LRP1B: variants seen among roughly 807,000 people sequenced by gnomAD.
LRP1B encodes the protein low-density lipoprotein receptor-related protein 1B.
Under a neutral mutation model 556.6 loss-of-function variants are expected in LRP1B, and 217 were observed. The observed-to-expected ratio is 0.39, with a 90% CI of 0.35 to 0.44. LRP1B has a LOEUF of 0.44. LRP1B is among the 20% of genes least tolerant of loss of function. LRP1B has a pLI of 1.00. For missense variants in LRP1B, 5,053 were observed against 5,620.8 expected, an observed-to-expected ratio of 0.90 and a Z score of 3.23; for synonymous variants, 2,047 against 1,865.8, an observed-to-expected ratio of 1.10 and a Z score of -2.50.
chr2:140,703,487 A>G (rs1686719700), intron 37 of LRP1B, among the ~76,000 whole-genome samples: 2 of 152,174 alleles, frequency 1.3e-5, no homozygotes, highest in Non-Finnish European at 2.9e-5. Context: ...TTGAAGTTAC[A>G]TCTACTGAAG....
chr2:141,472,316 C>T (rs759057182), intron 3 of LRP1B, among the ~76,000 whole-genome samples: 2 of 152,094 alleles, frequency 1.3e-5, no homozygotes, highest in African/African-American at 4.8e-5. Context: ...GAGGCCAAGG[C>T]GGGTGGATCA....
rs755066533 is a variant in LRP1B at position 141,480,427 on chromosome 2, T to C, written c.312A>G (p.Pro104=). 1.2e-6 allele frequency: 2 copies of C among 1,613,994 alleles called. No homozygotes were observed. Among genetic ancestry groups the C allele is most frequent in the East Asian group, 4.5e-5 (2 of 44,840 alleles). The change falls in exon 3 of 91, where the codon CCA becomes CCG. Residue 104 remains proline (P), a synonymous_variant. Coordinates refer to ENST00000389484, the MANE Select transcript of LRP1B (RefSeq NM_018557.3). ...SQLCNGVLDC[P]DGYDEGVHCQ... is the part of the protein sequence containing the mutation. ...AATGTACTCCTTCGTCATACCCATC[T>C]GGGCAGTCCAAGACACCATTGCACA...
At chr2:141,702,256 G>A (rs1347427557) in intron 2 of LRP1B, among the ~76,000 whole-genome samples, 7 of 151,862 alleles carry the variant, frequency 4.6e-5, no homozygotes, top group Admixed American at 4.6e-4. Flanking sequence ...CAACTACAAT[G>A]CTTATAGGCA....
chr2:140,252,712 A>AAGGTC (rs1361427805), intron 86 of LRP1B, among the ~76,000 whole-genome samples: 1 of 152,048 alleles, frequency 6.6e-6, no homozygotes, highest in African/African-American at 2.4e-5. Flanking sequence ...AAGAATTATC[A>AAGGTC]CACTGCCTTG....
chr2:141,579,976 A>C (rs1437597501), intron 2 of LRP1B, among the ~76,000 whole-genome samples: 2 of 152,154 alleles, frequency 1.3e-5, no homozygotes, highest in African/African-American at 2.4e-5. Flanking sequence ...CTGGGATTAC[A>C]GGCGTGAGCC....
At chr2:140,924,880 T>C (rs1359286040) in intron 20 of LRP1B, among the ~76,000 whole-genome samples, 1 of 152,086 alleles carries the variant, frequency 6.6e-6, no homozygotes. Context: ...AAATGTGATA[T>C]AGCAATTTCC....
Position 141,049,048 on chromosome 2 carries a change from G to T in LRP1B, c.1727C>A (p.Thr576Asn), listed in dbSNP as rs776567264. The T allele has an allele frequency of 1.9e-6, 3 of 1,613,542 alleles. No individual in the cohort carries two copies. Among genetic ancestry groups the T allele is most frequent in the Non-Finnish European group, 2.5e-6 (3 of 1,179,674 alleles). ...CTTCTGCCGGCCAATTAGGAAACTG[G>T]TGGTGTCAGCAAAGTAGATGTAATT... Reference protein sequence around the residue: ...ETNYIYFADTTSFLIGRQKID... With the variant: ...ETNYIYFADTNSFLIGRQKID... Residue 576 changes from threonine (T) to asparagine (N), a missense_variant, in exon 11 of 91, where the codon ACC becomes AAC. By Grantham distance (65) the Thr-to-Asn change is moderately conservative (BLOSUM62 0). This residue lies in a region of LRP1B where 3,619 missense variants were observed against 3,931.9 expected (regional missense o/e 0.92). Coordinates refer to ENST00000389484, the MANE Select transcript of LRP1B (RefSeq NM_018557.3).
intron 1 of LRP1B, among the ~76,000 whole-genome samples, chr2:142,034,124 C>T (rs974351746): frequency 6.6e-6 from 1 of 151,668 alleles, no homozygotes; most frequent in African/African-American, 2.4e-5. Context: ...TCTGCCCTCT[C>T]CACTCTACCT....
At chr2:141,524,658 A>G (rs1684635335) in intron 2 of LRP1B, among the ~76,000 whole-genome samples, 1 of 152,086 alleles carries the variant, frequency 6.6e-6, no homozygotes, top group South Asian at 2.1e-4. Flanking sequence ...AGGGTAGCCA[A>G]AAGATTGGGC....
intron 3 of LRP1B, among the ~76,000 whole-genome samples, chr2:141,352,536 A>G (rs759048077): frequency 1.2e-4 from 18 of 151,970 alleles, no homozygotes; most frequent in Non-Finnish European, 2.1e-4. Flanking sequence ...ATGCTGGTCT[A>G]TCTAACTGAT....
intron 6 of LRP1B, among the ~76,000 whole-genome samples, chr2:141,208,971 A>T (rs541125543): frequency 7.9e-5 from 12 of 151,256 alleles, no homozygotes; most frequent in African/African-American, 2.4e-4. Context: ...TTAAAACAAT[A>T]TTATCAAAAT....
intron 66 of LRP1B, among the ~76,000 whole-genome samples, chr2:140,422,733 G>T (rs891064694): frequency 1.3e-5 from 2 of 152,184 alleles, no homozygotes; most frequent in Non-Finnish European, 2.9e-5. Flanking sequence ...CATAAAAAGA[G>T]CAGTAATTGT....
intron 66 of LRP1B, among the ~76,000 whole-genome samples, chr2:140,405,952 A>C (rs555460682): frequency 1.3e-5 from 2 of 152,270 alleles, no homozygotes; most frequent in Admixed American, 6.5e-5. Flanking sequence ...ACAAAATACC[A>C]GATAATCGAA....
intron 41 of LRP1B, among the ~76,000 whole-genome samples, chr2:140,618,949 T>A (rs1683353810): frequency 6.6e-6 from 1 of 152,110 alleles, no homozygotes; most frequent in South Asian, 2.1e-4. Flanking sequence ...GCACTTCCCA[T>A]ACCTCTCTCC....
intron 2 of LRP1B, among the ~76,000 whole-genome samples, chr2:141,734,151 T>C (rs751551950): frequency 2.6e-5 from 4 of 152,128 alleles, no homozygotes; most frequent in Non-Finnish European, 5.9e-5. Context: ...AGGGCAACAC[T>C]GAATCCATTG....
chr2:141,477,716 C>A (rs1573992818), intron 3 of LRP1B, among the ~76,000 whole-genome samples: 1 of 152,044 alleles, frequency 6.6e-6, no homozygotes, highest in East Asian at 1.9e-4. Flanking sequence ...ATGACTATAT[C>A]TCTTTAGTCA....
intron 3 of LRP1B, among the ~76,000 whole-genome samples, chr2:141,291,834 C>T (rs536503850): frequency 2.6e-5 from 3 of 116,914 alleles, no homozygotes; most frequent in South Asian, 2.8e-4. Flanking sequence ...CCAGCCTGGG[C>T]GAAAGAGCGA....
chr2:141,167,568 T>C (rs1430451114), intron 7 of LRP1B, among the ~76,000 whole-genome samples: 2 of 151,876 alleles, frequency 1.3e-5, no homozygotes, highest in African/African-American at 4.8e-5. Flanking sequence ...ACAGGTACTA[T>C]CTATATATGA....
At chr2:142,097,233 T>C (rs1186827105) in intron 1 of LRP1B, among the ~76,000 whole-genome samples, 3 of 151,694 alleles carry the variant, frequency 2.0e-5, no homozygotes, top group Admixed American at 6.6e-5. Flanking sequence ...ACATATATGG[T>C]GAAAACAATA....
Sources: allele counts gnomAD v4.1 joint callset (sites outside exome capture counted in the v4.1 genomes callset), GRCh38; gene constraint gnomAD v4.1.1; regional missense constraint gnomAD v4.1.1; transcripts MANE v1.5; gene names NCBI Gene and HGNC (gene_info 2026-07-23, HGNC 2026-07-21).